PRKD2: variants seen among roughly 807,000 people sequenced by gnomAD.
The protein encoded by PRKD2 is serine/threonine-protein kinase D2.
A neutral mutation model predicts 86.0 loss-of-function variants in PRKD2; 22 were observed. The observed-to-expected ratio is 0.26, with a 90% CI of 0.18 to 0.37. The LOEUF (loss-of-function observed/expected upper bound fraction) is 0.37, where lower values mean the gene tolerates loss of function less well. Among genes scored for constraint, PRKD2 ranks in the 10% least tolerant of loss-of-function variants. The pLI, the probability that PRKD2 is intolerant of heterozygous loss-of-function variation, is 1.00. For missense variants in PRKD2, 818 were observed against 1,199.2 expected, an observed-to-expected ratio of 0.68 and a Z score of 4.70; for synonymous variants, 509 against 510.9, an observed-to-expected ratio of 1.00 and a Z score of 0.05.
intron 3 of PRKD2, among the ~76,000 whole-genome samples, chr19:46,709,833 G>T (rs1417876385): frequency 1.3e-5 from 2 of 152,154 alleles, no homozygotes; most frequent in Non-Finnish European, 2.9e-5. Context: ...GCTTCAGCTT[G>T]TGCCTGAGTT....
intron 12 of PRKD2, among the ~76,000 whole-genome samples, chr19:46,690,907 A>T (rs2053474305): frequency 6.6e-6 from 1 of 152,150 alleles, no homozygotes; most frequent in Admixed American, 6.6e-5. Flanking sequence ...AAAGCAAAAA[A>T]CAAACAAAAA....
rs1391616196 is a variant in PRKD2 at position 46,697,175 on chromosome 19, C to G, written c.1299G>C (p.Thr433=). 6.3e-7 allele frequency: 1 copy of G among 1,588,220 alleles called. No individual in the cohort carries two copies. The highest frequency in any genetic ancestry group is 2.2e-5 in the East Asian group (1 of 44,724). Residue 433 remains threonine (T), a synonymous_variant, in exon 9 of 18, where the codon ACG becomes ACC. Transcript: ENST00000291281. ...CKCITLFQNN[T]TNRYYKEIPL... ...GGCTTACCTTATAGTATCTGTTGGT[C>G]GTGTTGTTCTGGAAGAGCGTGATAC... is the stretch of plus-strand genomic sequence containing the variant.
chr19:46,695,782 A>G (rs1400697721), intron 9 of PRKD2, among the ~76,000 whole-genome samples: 5 of 152,098 alleles, frequency 3.3e-5, no homozygotes, highest in Non-Finnish European at 7.4e-5. Context: ...CAGCCCATAA[A>G]ACCAGGTGAT....
In PRKD2 at chr19:46,689,633, CACAA is replaced by C; in HGVS notation, c.1871_1874del (p.Phe624TrpfsTer2). ...TGTCCCCATGCAGCTTCTCCATCAC[CACAA>C]ACACTTTCTCAGGCGTCTCGAACAT... is the stretch of plus-strand genomic sequence containing the variant. On this transcript the variant is annotated frameshift_variant, in exon 14 of 18. Coordinates refer to ENST00000291281, the MANE Select transcript of PRKD2 (RefSeq NM_016457.5). LOFTEE classifies it high-confidence loss of function. The C allele has an allele frequency of 6.2e-7, 1 of 1,614,178 alleles. No individual in the cohort carries two copies. The highest frequency in any genetic ancestry group is 8.5e-7 in the Non-Finnish European group (1 of 1,180,030).
intron 10 of PRKD2, 151 bp from the exon 11 acceptor site, chr19:46,692,136 TACGA>T: frequency 1.4e-6 from 1 of 734,688 alleles, no homozygotes; most frequent in South Asian, 1.6e-5. Flanking sequence ...ACTTGTCCAC[TACGA>T]ACCTCAGTTT....
chr19:46,678,252 C>A lies in PRKD2; in HGVS notation c.2338+144G>T, dbSNP rs575240661. ...GGACGGCTCCTCCTGTAGCCACATC[C>A]CTCCAGTAGGCCCGCCCCAGCACTG... On this transcript the variant is annotated intron_variant, in intron 16 of 17. Transcript: ENST00000291281. The surrounding 1 kb of genome is among the most constrained non-coding windows in gnomAD (Gnocchi z 5.7). The A allele has an allele frequency of 1.2e-3, 1,543 of 1,282,696 alleles. 4 individuals are homozygous for A. Among genetic ancestry groups the A allele is most frequent in the Non-Finnish European group, 1.6e-3 (1,475 of 943,348 alleles). 79.5% of individuals were successfully genotyped at this position (1,282,696 alleles called of 1,614,324 possible). A position where few individuals can be genotyped will look rare whatever the true frequency, so the allele number is the denominator to read the frequency against.
chr19:46,691,541 T>G (rs997718078), intron 12 of PRKD2, among the ~76,000 whole-genome samples, 194 bp downstream of exon 12: 16 of 152,168 alleles, frequency 1.1e-4, no homozygotes, highest in African/African-American at 3.6e-4. Flanking sequence ...AGGAGGAATG[T>G]CCATTGGTTT....
chr19:46,708,971 G>GTTT lies in PRKD2; in HGVS notation c.511+1935_511+1936insAAA, dbSNP rs796086305. On this transcript the variant is annotated intron_variant, in intron 3 of 17. Transcript: ENST00000291281. ...TTGCCATGAAGGTTGGTTTGTTTGT[G>GTTT]GTTTTTTTTTTTTTTTTTTTTTTTG... Among the ~76,000 whole-genome samples, 467 of 80,184 alleles carry GTTT rather than the reference G, an allele frequency of 5.8e-3. 24 individuals are homozygous for GTTT. The highest frequency in any genetic ancestry group is 0.017 in the African/African-American group (338 of 19,606). The allele number at this position is 80,184 out of a possible 152,430, so 52.6% of individuals were successfully genotyped here.
At chr19:46,676,343 T>A (rs569799569) in intron 16 of PRKD2, among the ~76,000 whole-genome samples, 14 of 152,208 alleles carry the variant, frequency 9.2e-5, no homozygotes, top group African/African-American at 3.4e-4. Flanking sequence ...CAGAATCGCT[T>A]GAACTCAGGA....
At position 46,693,994 on chromosome 19, in the gene PRKD2, G is replaced by C; in HGVS notation, c.1457C>G (p.Pro486Arg). 1 of 1,613,648 alleles carries C rather than the reference G, an allele frequency of 6.2e-7. No individual in the cohort carries two copies. Among genetic ancestry groups the C allele is most frequent in the South Asian group, 1.1e-5 (1 of 91,092 alleles). Residue 486 changes from proline to arginine, a missense_variant, in exon 10 of 18, where the codon CCG (proline) becomes CGG (arginine). By Grantham distance (103) the Pro-to-Arg change is moderately radical. Around this residue, in one of 5 missense-constraint regions of PRKD2, gnomAD observed 127 missense variants for 157.8 expected, o/e 0.80. Coordinates refer to ENST00000291281, the MANE Select transcript of PRKD2 (RefSeq NM_016457.5). The surrounding 1 kb of genome is among the most constrained non-coding windows in gnomAD (Gnocchi z 4.5). Reference sequence around the variant, plus strand: ...AGCCCCCTGCCCACTTGGCCCACCCGGAGTCCCGCCAGGCATCTCGCCCAC... The same window carrying C: ...AGCCCCCTGCCCACTTGGCCCACCCCGAGTCCCGCCAGGCATCTCGCCCAC... ...YFVGEMPGGT[P>R]GGPSGQGAEA...
At chr19:46,704,998 A>G (rs913879555) in intron 3 of PRKD2, among the ~76,000 whole-genome samples, 5 of 143,128 alleles carry the variant, frequency 3.5e-5, no homozygotes, top group African/African-American at 1.3e-4. Flanking sequence ...CCATCACCCC[A>G]TCTGTCCCCC....
chr19:46,688,283 G>A (rs1427170114), intron 14 of PRKD2, among the ~76,000 whole-genome samples: 2 of 151,950 alleles, frequency 1.3e-5, no homozygotes, highest in East Asian at 3.9e-4. Context: ...GATTACAGGT[G>A]TACCCCACCA....
intron 7 of PRKD2, among the ~76,000 whole-genome samples, chr19:46,698,912 C>A (rs1365076573): frequency 6.6e-6 from 1 of 152,134 alleles, no homozygotes; most frequent in East Asian, 1.9e-4. Context: ...CCCGCCACCC[C>A]CAATCCCTCA....
At chr19:46,700,584 A>G (rs1236029739) in intron 7 of PRKD2, among the ~76,000 whole-genome samples, 4 of 152,148 alleles carry the variant, frequency 2.6e-5, no homozygotes, top group Admixed American at 2.6e-4. Flanking sequence ...GTGAGTCAAG[A>G]CTGCACCACT....
At chr19:46,711,782 G>C (rs573668360) in intron 2 of PRKD2, among the ~76,000 whole-genome samples, 1 of 152,074 alleles carries the variant, frequency 6.6e-6, no homozygotes, top group Non-Finnish European at 1.5e-5. Flanking sequence ...AAAGAACATG[G>C]ATAGGCGGTG....
chr19:46,703,649 G>GT (rs2053666277), intron 5 of PRKD2, among the ~76,000 whole-genome samples: 2 of 151,984 alleles, frequency 1.3e-5, no homozygotes, highest in African/African-American at 4.8e-5. Context: ...GCGGGCGCCT[G>GT]TAGTCCCAGC....
intron 14 of PRKD2, among the ~76,000 whole-genome samples, chr19:46,684,817 G>T (rs1202821775): frequency 3.9e-5 from 6 of 151,970 alleles, no homozygotes; most frequent in Non-Finnish European, 8.8e-5. Context: ...ACAAAAATCA[G>T]CCAGGAATGG....
chr19:46,696,468 G>A (rs2053559086), intron 9 of PRKD2, among the ~76,000 whole-genome samples: 1 of 152,026 alleles, frequency 6.6e-6, no homozygotes, highest in African/African-American at 2.4e-5. Flanking sequence ...TAATTATAAA[G>A]AAATAGTGAG....
At chr19:46,708,982 T>TG (rs1555831885) in intron 3 of PRKD2, among the ~76,000 whole-genome samples, 39 of 140,264 alleles carry the variant, frequency 2.8e-4, no homozygotes, top group South Asian at 6.7e-4. Flanking sequence ...GTTTTTTTTT[T>TG]TTTTTTTTTT....
Sources: allele counts gnomAD v4.1 joint callset (sites outside exome capture counted in the v4.1 genomes callset), GRCh38; gene constraint gnomAD v4.1.1; regional missense constraint gnomAD v4.1.1; non-coding constraint Gnocchi (gnomAD v3.1); transcripts MANE v1.5; gene names NCBI Gene and HGNC (gene_info 2026-07-23, HGNC 2026-07-21).